Variants in IQGAP2 observed in about 807,000 individuals in gnomAD.
IQGAP2 encodes the protein IQ motif containing GTPase activating protein 2.
Under a neutral mutation model 201.3 loss-of-function variants are expected in IQGAP2, and 173 were observed. That is an observed-to-expected ratio of 0.86 (90% CI 0.76 to 0.98). The LOEUF (loss-of-function observed/expected upper bound fraction) is 0.98. IQGAP2 is among the 50% of genes least tolerant of loss of function. The probability of loss-of-function intolerance (pLI) is 0.00; values close to 1 mark genes in which losing one functional copy is unlikely to be tolerated. For missense variants in IQGAP2, 1,687 were observed against 1,864.8 expected (o/e 0.90, Z 1.76); for synonymous variants, 675 against 673.9 (o/e 1.00, Z -0.03).
chr5:76,415,004 G>T (rs1355433970), intron 1 of IQGAP2, among the ~76,000 whole-genome samples: 1 of 152,194 alleles, frequency 6.6e-6, no homozygotes, highest in East Asian at 1.9e-4. Context: ...AAACCAAACA[G>T]GGAGGGACAT....
At chr5:76,520,094 C>T (rs1758576248) in intron 2 of IQGAP2, among the ~76,000 whole-genome samples, 1 of 150,424 alleles carries the variant, frequency 6.6e-6, no homozygotes, top group Non-Finnish European at 1.5e-5. Flanking sequence ...GGTGTCATAT[C>T]TAAAAACTCT....
chr5:76,485,545 G>T (rs1404950896), intron 2 of IQGAP2, among the ~76,000 whole-genome samples: 1 of 152,184 alleles, frequency 6.6e-6, no homozygotes, highest in African/African-American at 2.4e-5. Context: ...ATTTGCATTT[G>T]CATGGGTTAG....
chr5:76,523,329 G>A (rs567272848), intron 2 of IQGAP2, among the ~76,000 whole-genome samples: 14 of 152,070 alleles, frequency 9.2e-5, no homozygotes, highest in African/African-American at 2.9e-4. Flanking sequence ...AGGCTCAAGC[G>A]ATCCTCCCTC....
intron 9 of IQGAP2, among the ~76,000 whole-genome samples, chr5:76,595,235 T>C (rs1746931618): frequency 6.7e-6 from 1 of 148,674 alleles, no homozygotes; most frequent in African/African-American, 2.5e-5. Context: ...ACATTTTGCA[T>C]TTCTTTGCTT....
At chr5:76,683,743 T>C (rs764278345) in intron 29 of IQGAP2, 33 bp from the exon 30 acceptor site, 7 of 1,586,492 alleles carry the variant, frequency 4.4e-6, no homozygotes, top group Non-Finnish European at 6.0e-6. Context: ...AAAGAGTGAA[T>C]TGGAAAAATA....
chr5:76,683,109 A>G lies in IQGAP2; in HGVS notation c.3661-6A>G. 1.3e-6 allele frequency: 2 copies of G among 1,587,518 alleles called. No individual in the cohort carries two copies. Among genetic ancestry groups the G allele is most frequent in the Non-Finnish European group, 1.7e-6 (2 of 1,160,022 alleles). ...TCTTTGTGTGTGTGTTGCTTTCTAC[A>G]TAAAGCTCCTGTTGGAACACCAGGA... On this transcript the variant is annotated splice_region_variant and splice_polypyrimidine_tract_variant and intron_variant, in intron 28 of 35. Coordinates refer to ENST00000274364, the MANE Select transcript of IQGAP2 (RefSeq NM_006633.5).
chr5:76,631,727 T>G (rs928004015), intron 14 of IQGAP2, 132 bp from the exon 15 acceptor site: 14 of 578,312 alleles, frequency 2.4e-5, no homozygotes, highest in African/African-American at 1.9e-4. Flanking sequence ...CTTGGGCATA[T>G]GTGGTAAATA....
intron 14 of IQGAP2, chr5:76,628,675 T>C (rs376054993): frequency 1.4e-4 from 63 of 456,068 alleles, no homozygotes; most frequent in South Asian, 9.6e-4. Flanking sequence ...GACTTTGTCT[T>C]ACTCCACAGA....
intron 2 of IQGAP2, among the ~76,000 whole-genome samples, chr5:76,540,874 A>G (rs983301449): frequency 6.6e-6 from 1 of 152,216 alleles, no homozygotes; most frequent in African/African-American, 2.4e-5. Context: ...ACACTTCATC[A>G]AGGGCATAGC....
intron 20 of IQGAP2, among the ~76,000 whole-genome samples, chr5:76,658,079 G>T (rs572288028): frequency 6.6e-6 from 1 of 152,188 alleles, no homozygotes; most frequent in South Asian, 2.1e-4. Context: ...CACTTATCTA[G>T]CTCAAGCACA....
At chr5:76,663,249 A>G (rs1366407030) in intron 21 of IQGAP2, among the ~76,000 whole-genome samples, 1 of 152,250 alleles carries the variant, frequency 6.6e-6, no homozygotes, top group Non-Finnish European at 1.5e-5. Flanking sequence ...CTGGTAGTGC[A>G]TGCAGAGCAA....
chr5:76,438,039 T>TTG (rs1703914643), intron 1 of IQGAP2, among the ~76,000 whole-genome samples: 1 of 51,102 alleles, frequency 2.0e-5, no homozygotes, highest in Non-Finnish European at 6.2e-5. Flanking sequence ...TTGTTTGTTT[T>TTG]TTTTTTTGTT....
chr5:76,658,360 G>T, intron 20 of IQGAP2, 99 bp from the exon 21 acceptor site: 1 of 976,980 alleles, frequency 1.0e-6, no homozygotes, highest in Non-Finnish European at 1.6e-6. Flanking sequence ...TACTTTCATT[G>T]GTATATTTTT....
At chr5:76,466,885 C>A (rs1235224918) in intron 2 of IQGAP2, among the ~76,000 whole-genome samples, 2 of 152,170 alleles carry the variant, frequency 1.3e-5, no homozygotes, top group Non-Finnish European at 2.9e-5. Context: ...TTTTCTGATT[C>A]AAGAGATACC....
At chr5:76,561,322 G>A (rs1467167693) in intron 2 of IQGAP2, among the ~76,000 whole-genome samples, 3 of 152,170 alleles carry the variant, frequency 2.0e-5, no homozygotes, top group African/African-American at 7.2e-5. Flanking sequence ...ACTTCTACAA[G>A]TTGTTGTTCA....
chr5:76,658,844 T>A (rs927614234), intron 21 of IQGAP2, among the ~76,000 whole-genome samples, 177 bp downstream of exon 21: 1 of 152,186 alleles, frequency 6.6e-6, no homozygotes, highest in Admixed American at 6.5e-5. Context: ...ACTACACATC[T>A]AGGCTATATG....
chr5:76,434,032 C>T (rs1752519750), intron 1 of IQGAP2, among the ~76,000 whole-genome samples: 1 of 152,120 alleles, frequency 6.6e-6, no homozygotes, highest in African/African-American at 2.4e-5. Context: ...TTAGAATTGC[C>T]ATCAGATTCA....
At chr5:76,422,004 A>G (rs569672066) in intron 1 of IQGAP2, among the ~76,000 whole-genome samples, 30 of 152,346 alleles carry the variant, frequency 2.0e-4, no homozygotes, top group African/African-American at 7.2e-4. Flanking sequence ...CCTGACACAT[A>G]GAAAGCATTC....
intron 34 of IQGAP2, 138 bp downstream of exon 34, chr5:76,701,351 G>A (rs1490348367): frequency 5.0e-5 from 40 of 795,582 alleles, no homozygotes; most frequent in South Asian, 2.1e-4. Context: ...AAATTGTTAT[G>A]GCTACTCTTC....
Sources: gnomAD v4.1 joint callset for allele counts (sites outside exome capture counted in the v4.1 genomes callset) on GRCh38, gnomAD v4.1.1 for gene constraint, MANE v1.5 for transcripts, NCBI Gene and HGNC (gene_info 2026-07-23, HGNC 2026-07-21) for gene names.